ADAMTS3: variants seen among roughly 807,000 people sequenced by gnomAD.
ADAMTS3 encodes the protein A disintegrin and metalloproteinase with thrombospondin motifs 3.
ADAMTS3 carries 73 observed loss-of-function variants against 129.0 expected under a neutral mutation model. The observed-to-expected ratio is 0.57, with a 90% CI of 0.47 to 0.69. The LOEUF (loss-of-function observed/expected upper bound fraction) is 0.69. Among genes scored for constraint, ADAMTS3 ranks in the 30% least tolerant of loss-of-function variants. The pLI is 0.00. For synonymous variants in ADAMTS3, 477 were observed against 510.8 expected (o/e 0.93, Z 0.89); for missense variants, 1,457 against 1,514.5 (o/e 0.96, Z 0.63).
intron 3 of ADAMTS3, among the ~76,000 whole-genome samples, chr4:72,528,302 T>C (rs1179241863): frequency 6.6e-6 from 1 of 152,038 alleles, no homozygotes; most frequent in Non-Finnish European, 1.5e-5. Context: ...ATATATCTAC[T>C]ATTAGGTTGA....
In ADAMTS3 at chr4:72,470,361, T is replaced by TTA. The variant is rs143241307; in HGVS notation, c.505-55392_505-55391dup. 3.4e-3 allele frequency among the ~76,000 whole-genome samples: 393 copies of TTA among 116,468 alleles called. 1 individual carries two copies. The highest frequency in any genetic ancestry group is 0.011 in the African/African-American group (344 of 32,684). 76.4% of individuals were successfully genotyped at this position (116,468 alleles called of 152,430 possible). ...GTCATTTTCTGAAATTATTTTAAGT[T>TTA]TATATATATATATATACACACACAC... On this transcript the variant is annotated intron_variant, in intron 3 of 21. Coordinates refer to ENST00000286657, the MANE Select transcript of ADAMTS3 (RefSeq NM_014243.3).
chr4:72,471,638 T>C (rs1467446664), intron 3 of ADAMTS3, among the ~76,000 whole-genome samples: 6 of 152,088 alleles, frequency 3.9e-5, no homozygotes, highest in African/African-American at 1.4e-4. Flanking sequence ...AACCATCTTC[T>C]ATCAAGCCAG....
At chr4:72,531,687 C>T (rs1336178035) in intron 3 of ADAMTS3, among the ~76,000 whole-genome samples, 1 of 152,142 alleles carries the variant, frequency 6.6e-6, no homozygotes, top group African/African-American at 2.4e-5. Flanking sequence ...TTCATGGAGG[C>T]AAAATGGCTT....
intron 3 of ADAMTS3, among the ~76,000 whole-genome samples, chr4:72,432,240 G>T (rs1722719270): frequency 1.3e-5 from 2 of 151,872 alleles, no homozygotes; most frequent in Non-Finnish European, 2.9e-5. Context: ...TTCTCAGCTT[G>T]GCCCATAAAT....
At chr4:72,361,819 G>GGAAACT (rs1720735331) in intron 4 of ADAMTS3, among the ~76,000 whole-genome samples, 1 of 151,896 alleles carries the variant, frequency 6.6e-6, no homozygotes, top group African/African-American at 2.4e-5. Context: ...ATTTATCATA[G>GGAAACT]GAAACTGTAC....
chr4:72,526,842 C>T (rs1444359414), intron 3 of ADAMTS3, among the ~76,000 whole-genome samples: 1 of 140,748 alleles, frequency 7.1e-6, no homozygotes, highest in Non-Finnish European at 1.5e-5. Flanking sequence ...CCAAGCTGCC[C>T]ACACTATCTC....
At position 72,529,968 on chromosome 4, in the gene ADAMTS3, T is replaced by TA. The variant is rs1179786291; in HGVS notation, c.504+18509_504+18510insT. ...TATATATAATATATAATATATTATATTTATATATAAATATAATATATTATA... is the reference window on the plus strand; with the variant it reads ...TATATATAATATATAATATATTATATATTATATATAAATATAATATATTATA... On this transcript the variant is annotated intron_variant, in intron 3 of 21. Transcript: ENST00000286657. Among the ~76,000 whole-genome samples, 5 of 1,126 alleles carry TA rather than the reference T, an allele frequency of 4.4e-3. 1 individual carries two copies. The highest frequency in any genetic ancestry group is 5.0e-3 in the African/African-American group (5 of 1,002). The allele number at this position is 1,126 out of a possible 152,430, so 0.7% of individuals were successfully genotyped here. A position where few individuals can be genotyped will look rare whatever the true frequency, so the allele number is the denominator to read the frequency against.
At chr4:72,441,077 C>T (rs1718100080) in intron 3 of ADAMTS3, among the ~76,000 whole-genome samples, 1 of 151,710 alleles carries the variant, frequency 6.6e-6, no homozygotes, top group African/African-American at 2.4e-5. Flanking sequence ...GTTTCTTTCT[C>T]CCTTCCCCAG....
At chr4:72,322,973 C>G (rs774132336) in intron 6 of ADAMTS3, 41 bp downstream of exon 6, 4 of 1,476,926 alleles carry the variant, frequency 2.7e-6, no homozygotes, top group Non-Finnish European at 3.8e-6. Flanking sequence ...TTTGCTAACC[C>G]AGTCCCTAAT....
At chr4:72,544,417 G>C (rs1002037365) in intron 3 of ADAMTS3, among the ~76,000 whole-genome samples, 7 of 152,090 alleles carry the variant, frequency 4.6e-5, no homozygotes, top group Non-Finnish European at 7.4e-5. Flanking sequence ...TTGAAGACAA[G>C]AGTTACACTT....
chr4:72,345,667 T>C (rs997003249), intron 4 of ADAMTS3, among the ~76,000 whole-genome samples: 1 of 152,140 alleles, frequency 6.6e-6, no homozygotes, highest in Admixed American at 6.6e-5. Context: ...TGAGTGAATG[T>C]CAGTTTCCGT....
chr4:72,362,684 CTAAGA>C, intron 4 of ADAMTS3, among the ~76,000 whole-genome samples: 2 of 152,134 alleles, frequency 1.3e-5, no homozygotes, highest in South Asian at 4.1e-4. Context: ...CATTTCTTTC[CTAAGA>C]TAATAAAGAG....
At chr4:72,466,808 A>C (rs774884478) in intron 3 of ADAMTS3, among the ~76,000 whole-genome samples, 1 of 152,008 alleles carries the variant, frequency 6.6e-6, no homozygotes, top group African/African-American at 2.4e-5. Context: ...TGATACCCAG[A>C]GTAATAGAAT....
At chr4:72,401,141 A>G (rs1301948295) in intron 4 of ADAMTS3, among the ~76,000 whole-genome samples, 2 of 151,960 alleles carry the variant, frequency 1.3e-5, no homozygotes, top group African/African-American at 4.8e-5. Context: ...CATACCGGAC[A>G]GCACTAATTT....
At chr4:72,413,549 T>C (rs1195403655) in intron 4 of ADAMTS3, among the ~76,000 whole-genome samples, 1 of 152,052 alleles carries the variant, frequency 6.6e-6, no homozygotes, top group Non-Finnish European at 1.5e-5. Flanking sequence ...TCTGCAAAGA[T>C]ATTAAATATT....
intron 3 of ADAMTS3, among the ~76,000 whole-genome samples, chr4:72,484,135 C>A (rs966627609): frequency 7.9e-5 from 12 of 152,168 alleles, no homozygotes; most frequent in African/African-American, 2.9e-4. Flanking sequence ...CCCAATCTTA[C>A]TGTCCTTCCT....
chr4:72,408,635 C>T (rs13119030), intron 4 of ADAMTS3, among the ~76,000 whole-genome samples: 95,591 of 150,948 alleles, frequency 0.63, 30,758 homozygotes, highest in South Asian at 0.79. Flanking sequence ...CCTCCAGAAA[C>T]GTCTGGATTC....
chr4:72,521,355 A>G (rs1003011904), intron 3 of ADAMTS3, among the ~76,000 whole-genome samples: 1 of 152,134 alleles, frequency 6.6e-6, no homozygotes, highest in Non-Finnish European at 1.5e-5. Flanking sequence ...GACCAGTTAT[A>G]TGCAGTTAGC....
chr4:72,521,351 T>C (rs115783925), intron 3 of ADAMTS3, among the ~76,000 whole-genome samples: 158 of 152,240 alleles, frequency 1.0e-3, no homozygotes, highest in African/African-American at 3.5e-3. Context: ...TTAAGACCAG[T>C]TATATGCAGT....
Sources: allele counts gnomAD v4.1 joint callset (sites outside exome capture counted in the v4.1 genomes callset), GRCh38; gene constraint gnomAD v4.1.1; transcripts MANE v1.5; gene names NCBI Gene and HGNC (gene_info 2026-07-23, HGNC 2026-07-21).